L3MBTL2: variants seen among roughly 807,000 people sequenced by gnomAD.
L3MBTL2 encodes the protein lethal(3)malignant brain tumor-like protein 2.
L3MBTL2 carries 49 observed loss-of-function variants against 86.4 expected under a neutral mutation model. The observed-to-expected ratio is 0.57, with a 90% CI of 0.45 to 0.72. The LOEUF (loss-of-function observed/expected upper bound fraction) is 0.72, where lower values mean the gene tolerates loss of function less well. Among genes scored for constraint, L3MBTL2 ranks in the 30% least tolerant of loss-of-function variants. The pLI is 0.00. For missense variants in L3MBTL2, 755 were observed against 923.7 expected (o/e 0.82, Z 2.37); for synonymous variants, 336 against 350.6 (o/e 0.96, Z 0.47).
At chr22:41,223,303 T>C (rs1170899803) in intron 8 of L3MBTL2, among the ~76,000 whole-genome samples, 1 of 152,110 alleles carries the variant, frequency 6.6e-6, no homozygotes, top group African/African-American at 2.4e-5. Context: ...GGAAAAGCCC[T>C]ACACCCTACC....
rs764919877 is a variant in L3MBTL2 at position 41,229,653 on chromosome 22, G to A, written c.2002G>A (p.Glu668Lys). The change falls in exon 16 of 17, where the codon GAG becomes AAG. Residue 668 changes from glutamate (E) to lysine (K), a missense_variant. Physicochemically the swap from Glu to Lys is moderately conservative, Grantham distance 56 (BLOSUM62 1). Transcript: ENST00000216237. Reference protein sequence around the residue: ...RKISSEPVPGEIIAVRVKEEH... With the variant: ...RKISSEPVPGKIIAVRVKEEH... ...GATCTCGTCGGAGCCTGTTCCTGGC[G>A]AGAGTAAGAGCCACCGGGCTGGGTC... The A allele has an allele frequency of 3.1e-6, 5 of 1,613,432 alleles. No individual in the cohort carries two copies. The highest frequency in any genetic ancestry group is 3.4e-6 in the Non-Finnish European group (4 of 1,180,026).
intron 15 of L3MBTL2, chr22:41,228,630 C>T (rs1429995636): frequency 4.0e-6 from 2 of 497,088 alleles, no homozygotes; most frequent in African/African-American, 4.2e-5. Context: ...GTGGGCGGAT[C>T]ATGAGGTCAG....
chr22:41,231,240 T>A lies in L3MBTL2; in HGVS notation c.*989T>A, dbSNP rs1183038717. ...ACCTCACTGGGCTCCCCAGACTCTGTGTGTGAGAAATTAAACCCCCTGCTT... is the reference window on the plus strand; with the variant it reads ...ACCTCACTGGGCTCCCCAGACTCTGAGTGTGAGAAATTAAACCCCCTGCTT... On this transcript the variant is annotated 3_prime_UTR_variant, in exon 17 of 17. Coordinates refer to ENST00000216237, the MANE Select transcript of L3MBTL2 (RefSeq NM_031488.5). 2 of 152,198 alleles carry A rather than the reference T, an allele frequency of 1.3e-5. No homozygotes were observed. Among genetic ancestry groups the A allele is most frequent in the Non-Finnish European group, 2.9e-5 (2 of 68,024 alleles). The allele number at this position is 152,198 out of a possible 1,614,324, so 9.4% of individuals were successfully genotyped here. A position where few individuals can be genotyped will look rare whatever the true frequency, so the allele number is the denominator to read the frequency against.
In L3MBTL2 at chr22:41,215,188, G is replaced by A. The variant is rs116668114; in HGVS notation, c.397-951G>A. Among the ~76,000 whole-genome samples, 1,461 of 152,004 alleles carry A rather than the reference G, an allele frequency of 9.6e-3. 18 individuals carry two copies. Among genetic ancestry groups the A allele is most frequent in the African/African-American group, 0.034 (1,394 of 41,432 alleles). On this transcript the variant is annotated intron_variant, in intron 3 of 16. Coordinates refer to ENST00000216237, the MANE Select transcript of L3MBTL2 (RefSeq NM_031488.5). ...TCTGCTTACTGCTTCATACACTGTC[G>A]CCTTTGTGAGACAATTACCATTGTT...
intron 2 of L3MBTL2, among the ~76,000 whole-genome samples, chr22:41,210,423 G>A (rs944124420): frequency 3.3e-5 from 5 of 152,062 alleles, no homozygotes; most frequent in African/African-American, 1.2e-4. Context: ...TCTGCCTCCC[G>A]GGTTCACACC....
chr22:41,227,990 A>G lies in L3MBTL2; in HGVS notation c.1888+121A>G. On this transcript the variant is annotated intron_variant, in intron 15 of 16. Coordinates refer to ENST00000216237, the MANE Select transcript of L3MBTL2 (RefSeq NM_031488.5). The surrounding 1 kb of genome is among the most constrained non-coding windows in gnomAD (Gnocchi z 6.0). ...TTCCCAGGTGCTGTCCTACTGACGT[A>G]GCTCTCTTCGTGTTCCTGTCCTGTC... The G allele has an allele frequency of 6.8e-7, 1 of 1,471,298 alleles. No individual in the cohort carries two copies. The highest frequency in any genetic ancestry group is 9.0e-7 in the Non-Finnish European group (1 of 1,109,012). 91.1% of individuals were successfully genotyped at this position (1,471,298 alleles called of 1,614,324 possible).
chr22:41,221,249 G>C lies in L3MBTL2; in HGVS notation c.904G>C (p.Val302Leu). 1 of 1,551,560 alleles carries C rather than the reference G, an allele frequency of 6.4e-7. No homozygotes were observed. ...DWKGYLMKRL[V>L]GSRTLPVDFH... ...GAAGGGCTACCTCATGAAACGGCTG[G>C]TGGGCTCCAGGACGCTTCCCGTGGA... Residue 302 changes from valine (V) to leucine (L), a missense_variant, in exon 8 of 17, where the codon GTG becomes CTG. Val to Leu is a conservative substitution (Grantham distance 32). Around this residue, in one of 3 missense-constraint regions of L3MBTL2, gnomAD observed 634 missense variants for 748.9 expected, o/e 0.85. Coordinates refer to ENST00000216237, the MANE Select transcript of L3MBTL2 (RefSeq NM_031488.5).
Position 41,230,265 on chromosome 22 carries a change from C to T in L3MBTL2, c.*14C>T, listed in dbSNP as rs202141060. On this transcript the variant is annotated 3_prime_UTR_variant, in exon 17 of 17. Transcript: ENST00000216237. ...ACAGACGACTGAGCCTTCCTGCCTC[C>T]AGCCTGGCTTCTAGCTGGAAGCCAG... is the stretch of plus-strand genomic sequence containing the variant. 1.2e-6 allele frequency: 2 copies of T among 1,601,126 alleles called. No individual in the cohort carries two copies. The highest frequency in any genetic ancestry group is 2.2e-5 in the East Asian group (1 of 44,782).
In L3MBTL2 at chr22:41,227,585, C is replaced by G; in HGVS notation, c.1823-219C>G. The G allele has an allele frequency of 6.5e-7, 1 of 1,548,164 alleles. No homozygotes were observed. The highest frequency in any genetic ancestry group is 8.7e-7 in the Non-Finnish European group (1 of 1,145,776). On this transcript the variant is annotated intron_variant, in intron 14 of 16. Coordinates refer to ENST00000216237, the MANE Select transcript of L3MBTL2 (RefSeq NM_031488.5). This position sits in a 1 kb window ranked among gnomAD's most constrained non-coding sequence, Gnocchi z 6.0. ...CCCTTGTGCACCCAGGTAAACTACC[C>G]AGGTCCCTCTGAGCAGCCCTGGTAA...
Position 41,227,275 on chromosome 22 carries a change from G to A in L3MBTL2, c.1774G>A (p.Gly592Ser), listed in dbSNP as rs779700504. ...DCESPDIYPVGWCELTGYQLQ... is the reference protein window; with the variant it reads ...DCESPDIYPVSWCELTGYQLQ... The stretch of plus-strand genomic sequence containing the variant: ...CGAGTCCCCAGACATCTACCCCGTC[G>A]GCTGGTGTGAGCTCACCGGCTACCA... The change falls in exon 14 of 17, where the codon GGC becomes AGC. Residue 592 changes from glycine (G) to serine (S), a missense_variant. Gly to Ser is a moderately conservative substitution (Grantham distance 56, BLOSUM62 0). This residue lies in a region of L3MBTL2 where 634 missense variants were observed against 748.9 expected (regional missense o/e 0.85). Transcript: ENST00000216237. This position sits in a 1 kb window ranked among gnomAD's most constrained non-coding sequence, Gnocchi z 6.0. 23 of 1,612,004 alleles carry A rather than the reference G, an allele frequency of 1.4e-5. No homozygotes were observed. The highest frequency in any genetic ancestry group is 1.7e-5 in the Non-Finnish European group (20 of 1,179,466).
Position 41,219,553 on chromosome 22 carries a change from G to A in L3MBTL2, c.718+17G>A. On this transcript the variant is annotated intron_variant, in intron 6 of 16. Coordinates refer to ENST00000216237, the MANE Select transcript of L3MBTL2 (RefSeq NM_031488.5). ...AGACAGCAGGTGAGTGTTTGGCCAGGGCAGGGCCAGGGATGTGTCTGCAGA... is the reference window on the plus strand; with the variant it reads ...AGACAGCAGGTGAGTGTTTGGCCAGAGCAGGGCCAGGGATGTGTCTGCAGA... The A allele has an allele frequency of 6.6e-7, 1 of 1,521,150 alleles. No individual in the cohort carries two copies. The highest frequency in any genetic ancestry group is 2.3e-5 in the East Asian group (1 of 44,406). 94.2% of individuals were successfully genotyped at this position (1,521,150 alleles called of 1,614,324 possible).
At chr22:41,221,410 AT>A in intron 8 of L3MBTL2, 123 bp downstream of exon 8, 1 of 832,088 alleles carries the variant, frequency 1.2e-6, no homozygotes, top group Non-Finnish European at 2.0e-6. Flanking sequence ...GCAGCTCCAC[AT>A]TTTGCAAGGC....
At position 41,225,926 on chromosome 22, in the gene L3MBTL2, C is replaced by T. The variant is rs2032151665; in HGVS notation, c.1489C>T (p.Leu497Phe). 2 of 1,614,044 alleles carry T rather than the reference C, an allele frequency of 1.2e-6. No individual in the cohort carries two copies. The highest frequency in any genetic ancestry group is 1.3e-5 in the African/African-American group (1 of 75,048). ...ATFCQKNDIE[L>F]TPPKGYEAQT... ...CTTCTGTCAGAAGAATGACATTGAG[C>T]TCACACCGCCAAAAGGTAAGACTAG... The change falls in exon 12 of 17, where the codon CTC (leucine) becomes TTC (phenylalanine). Residue 497 changes from leucine (L) to phenylalanine (F), a missense_variant. Leu to Phe is a conservative substitution (Grantham distance 22). This residue lies in a region of L3MBTL2 where 634 missense variants were observed against 748.9 expected (regional missense o/e 0.85). Transcript: ENST00000216237. The surrounding 1 kb of genome is among the most constrained non-coding windows in gnomAD (Gnocchi z 4.1).
chr22:41,228,804 C>T (rs997461663), intron 15 of L3MBTL2, among the ~76,000 whole-genome samples: 4 of 151,190 alleles, frequency 2.6e-5, no homozygotes, highest in Admixed American at 2.6e-4. Flanking sequence ...GAGCCCAGAT[C>T]GCTCCACTTC....
At chr22:41,210,284 G>C (rs1000764117) in intron 2 of L3MBTL2, among the ~76,000 whole-genome samples, 1 of 151,696 alleles carries the variant, frequency 6.6e-6, no homozygotes, top group African/African-American at 2.4e-5. Context: ...CAAGTAGCTG[G>C]GACTACAGGC....
rs1163281619 is a variant in L3MBTL2, at chr22:41,224,912, C to T, written c.1252-55C>T. ...CCTTTCCCTCCTGAGGCCTGCTTCC[C>T]TCACCCTTCCTCCTGGCCTGCCCAG... On this transcript the variant is annotated intron_variant, in intron 10 of 16. Coordinates refer to ENST00000216237, the MANE Select transcript of L3MBTL2 (RefSeq NM_031488.5). The surrounding 1 kb of genome is among the most constrained non-coding windows in gnomAD (Gnocchi z 4.9). 1 of 1,573,644 alleles carries T rather than the reference C, an allele frequency of 6.4e-7. No homozygotes were observed. The highest frequency in any genetic ancestry group is 8.7e-7 in the Non-Finnish European group (1 of 1,145,126).
At chr22:41,213,436 C>A (rs1490014707) in intron 2 of L3MBTL2, among the ~76,000 whole-genome samples, 1 of 149,030 alleles carries the variant, frequency 6.7e-6, no homozygotes, top group African/African-American at 2.5e-5. Context: ...GGCAGTTTCC[C>A]CCCGCCAAAT....
At position 41,225,054 on chromosome 22, in the gene L3MBTL2, G is replaced by C; in HGVS notation, c.1339G>C (p.Val447Leu). 6.2e-7 allele frequency: 1 copy of C among 1,613,840 alleles called. No individual in the cohort carries two copies. Among genetic ancestry groups the C allele is most frequent in the South Asian group, 1.1e-5 (1 of 91,062 alleles). The part of the protein sequence containing the change: ...IDPLNLGNIC[V>L]ATVCKVLLDG... ...CCCCCTGAATCTGGGCAACATCTGC[G>C]TGGCAACTGTCTGTAAGGTGAGCCA... The change falls in exon 11 of 17, where the codon GTG (valine) becomes CTG (leucine). Residue 447 changes from valine to leucine, a missense_variant. Around this residue, in one of 3 missense-constraint regions of L3MBTL2, gnomAD observed 634 missense variants for 748.9 expected, o/e 0.85. Coordinates refer to ENST00000216237, the MANE Select transcript of L3MBTL2 (RefSeq NM_031488.5). This position sits in a 1 kb window ranked among gnomAD's most constrained non-coding sequence, Gnocchi z 4.1.
At position 41,211,574 on chromosome 22, in the gene L3MBTL2, TGAGACGGAG is replaced by T. The variant is rs2030816160; in HGVS notation, c.262+1642_262+1650del. On this transcript the variant is annotated intron_variant, in intron 2 of 16. Coordinates refer to ENST00000216237, the MANE Select transcript of L3MBTL2 (RefSeq NM_031488.5). ...CTTATTTCCTTTTTTTTTTTTTTTT[TGAGACGGAG>T]TCTTGCTCTGTCACCCAGGCTGGAA... is the stretch of plus-strand genomic sequence containing the variant. 1.4e-3 allele frequency among the ~76,000 whole-genome samples: 174 copies of T among 126,458 alleles called. 4 individuals are homozygous for T. Among genetic ancestry groups the T allele is most frequent in the African/African-American group, 5.1e-3 (164 of 32,462 alleles). The allele number at this position is 126,458 out of a possible 152,430, so 83.0% of individuals were successfully genotyped here.
Sources: allele counts gnomAD v4.1 joint callset (sites outside exome capture counted in the v4.1 genomes callset), GRCh38; gene constraint gnomAD v4.1.1; regional missense constraint gnomAD v4.1.1; non-coding constraint Gnocchi (gnomAD v3.1); transcripts MANE v1.5; gene names NCBI Gene and HGNC (gene_info 2026-07-23, HGNC 2026-07-21).